The following COL16A1 variants were observed in gnomAD, a reference collection of about 807,000 sequenced individuals.
COL16A1 encodes collagen alpha-1(XVI) chain.
In COL16A1, 189 loss-of-function variants were observed where a neutral mutation model predicts 266.3. The observed-to-expected ratio is 0.71, with a 90% CI of 0.63 to 0.80. The LOEUF (loss-of-function observed/expected upper bound fraction) is 0.80. Ranked by LOEUF, COL16A1 falls within the 30% of genes least tolerant of loss-of-function variation. The pLI is 0.00. For missense variants in COL16A1, 1,928 were observed against 2,122.4 expected, an observed-to-expected ratio of 0.91 and a Z score of 1.80; for synonymous variants, 740 against 782.3, an observed-to-expected ratio of 0.95 and a Z score of 0.90.
At chr1:31,655,764 G>T in intron 66 of COL16A1, 1 of 542,972 alleles carries the variant, frequency 1.8e-6, no homozygotes, top group Non-Finnish European at 3.1e-6. Flanking sequence ...GGCATGCAAG[G>T]CCATTCATTA....
Position 31,668,234 on chromosome 1 carries a change from G to C in COL16A1, c.3250-16C>G. 6.2e-7 allele frequency: 1 copy of C among 1,613,320 alleles called. No homozygotes were observed. Among genetic ancestry groups the C allele is most frequent in the Non-Finnish European group, 8.5e-7 (1 of 1,179,458 alleles). ...CTGGAGGACCCTGCAAAGAAAGGCA[G>C]ACATGATGGATAGCCCCCCAACATT... On this transcript the variant is annotated splice_polypyrimidine_tract_variant and intron_variant, in intron 50 of 70. Transcript: ENST00000373672. This position sits in a 1 kb window ranked among gnomAD's most constrained non-coding sequence, Gnocchi z 5.8.
rs377429626 is a variant in COL16A1 at position 31,666,079 on chromosome 1, G to C, written c.3360C>G (p.Gly1120=). The C allele has an allele frequency of 6.2e-7, 1 of 1,609,862 alleles. No individual in the cohort carries two copies. The highest frequency in any genetic ancestry group is 1.1e-5 in the South Asian group (1 of 90,882). Residue 1120 remains glycine, a splice_region_variant and synonymous_variant, in exon 53 of 71, where the codon GGC becomes GGG. Coordinates refer to ENST00000373672, the MANE Select transcript of COL16A1 (RefSeq NM_001856.4). ...TGSAGEKGEP[G]PPGSEGLPGP... ...CTGGGAGGCCTTCAGATCCTGGGGG[G>C]CCCTAAGGATACAAAGGAACAGAAT...
At chr1:31,680,396 A>G (rs970438305) in intron 39 of COL16A1, among the ~76,000 whole-genome samples, 2 of 152,178 alleles carry the variant, frequency 1.3e-5, no homozygotes, top group African/African-American at 4.8e-5. Context: ...TCCTGCTGTT[A>G]CAGTCGTCAG....
In COL16A1 at chr1:31,698,312, A is replaced by G; in HGVS notation, c.391-140T>C. On this transcript the variant is annotated intron_variant, in intron 5 of 70. Coordinates refer to ENST00000373672, the MANE Select transcript of COL16A1 (RefSeq NM_001856.4). The surrounding 1 kb of genome is among the most constrained non-coding windows in gnomAD (Gnocchi z 4.1). ...AGAAGAAAGCCGGCTGGGGTCAAGGAGCTATACATCCTGAAAGAATGAGGT... is the reference window on the plus strand; with the variant it reads ...AGAAGAAAGCCGGCTGGGGTCAAGGGGCTATACATCCTGAAAGAATGAGGT... 1 of 1,534,420 alleles carries G rather than the reference A, an allele frequency of 6.5e-7. No homozygotes were observed. Among genetic ancestry groups the G allele is most frequent in the Non-Finnish European group, 8.8e-7 (1 of 1,141,940 alleles).
In COL16A1 at chr1:31,668,016, G is replaced by A; in HGVS notation, c.3303+149C>T. 2 of 659,418 alleles carry A rather than the reference G, an allele frequency of 3.0e-6. No individual in the cohort carries two copies. The highest frequency in any genetic ancestry group is 3.8e-5 in the South Asian group (2 of 52,366). 40.8% of individuals were successfully genotyped at this position (659,418 alleles called of 1,614,324 possible). ...CAAGGGGGCCTACAGTGGGGAGAGGGGGCTGCATGGACTTTAGGCAAAGGA... is the reference window on the plus strand; with the variant it reads ...CAAGGGGGCCTACAGTGGGGAGAGGAGGCTGCATGGACTTTAGGCAAAGGA... On this transcript the variant is annotated intron_variant, in intron 51 of 70. Coordinates refer to ENST00000373672, the MANE Select transcript of COL16A1 (RefSeq NM_001856.4). The surrounding 1 kb of genome is among the most constrained non-coding windows in gnomAD (Gnocchi z 5.8).
intron 22 of COL16A1, 131 bp from the exon 23 acceptor site, chr1:31,689,982 G>T: frequency 1.4e-6 from 1 of 731,464 alleles, no homozygotes; most frequent in Non-Finnish European, 2.3e-6. Context: ...AAAGTGGACA[G>T]CAGGAATGCC....
intron 10 of COL16A1, among the ~76,000 whole-genome samples, chr1:31,695,444 A>G (rs1644455458): frequency 6.7e-6 from 1 of 150,164 alleles, no homozygotes; most frequent in African/African-American, 2.4e-5. Flanking sequence ...AGAGAGGAAT[A>G]GCAATATGCC....
At position 31,698,429 on chromosome 1, in the gene COL16A1, G is replaced by A. The variant is rs1270953632; in HGVS notation, c.390+54C>T. The A allele has an allele frequency of 6.2e-7, 1 of 1,608,044 alleles. No individual in the cohort carries two copies. The highest frequency in any genetic ancestry group is 2.2e-5 in the East Asian group (1 of 44,822). On this transcript the variant is annotated intron_variant, in intron 5 of 70. Transcript: ENST00000373672. This position sits in a 1 kb window ranked among gnomAD's most constrained non-coding sequence, Gnocchi z 4.1. ...CACAAGCCGGGATGAAAGGTGGGCT[G>A]GACTGGTGCTACCCAATGCCCTAAG...
rs2148706860 is a variant in COL16A1, at chr1:31,670,768, G to T, written c.3151-122C>A. The T allele has an allele frequency of 1.3e-6, 1 of 777,014 alleles. No individual in the cohort carries two copies. The highest frequency in any genetic ancestry group is 1.8e-6 in the Non-Finnish European group (1 of 543,840). The allele number at this position is 777,014 out of a possible 1,614,324, so 48.1% of individuals were successfully genotyped here. A position where few individuals can be genotyped will look rare whatever the true frequency, so the allele number is the denominator to read the frequency against. On this transcript the variant is annotated intron_variant, in intron 48 of 70. Transcript: ENST00000373672. This position sits in a 1 kb window ranked among gnomAD's most constrained non-coding sequence, Gnocchi z 4.5. ...AGGTCATGGGAGTATTTTCAAGGCAGCTGGAAAAGAGACTCCTTGAAAGTC... is the reference window on the plus strand; with the variant it reads ...AGGTCATGGGAGTATTTTCAAGGCATCTGGAAAAGAGACTCCTTGAAAGTC...
chr1:31,695,768 G>A lies in COL16A1; in HGVS notation c.938C>T (p.Ala313Val), dbSNP rs1419449739. ...RGAKVHQETA[A>V]DECPPCVHGA... ...GTCCACTGGGAGGCTTACCTCATCG[G>A]CTGCTGTCTCCTGATGGACCTGAGG... The change falls in exon 10 of 71, where the codon GCC becomes GTC. Residue 313 changes from alanine to valine, a missense_variant. Transcript: ENST00000373672. 6.2e-7 allele frequency: 1 copy of A among 1,613,600 alleles called. No homozygotes were observed. The highest frequency in any genetic ancestry group is 1.7e-5 in the Admixed American group (1 of 60,002).
In COL16A1 at chr1:31,693,051, G is replaced by C. The variant is rs369167152; in HGVS notation, c.1071+41C>G. The C allele has an allele frequency of 3.1e-4, 417 of 1,366,242 alleles. 1 individual carries two copies. Among genetic ancestry groups the C allele is most frequent in the Non-Finnish European group, 3.9e-4 (377 of 958,504 alleles). 84.6% of individuals were successfully genotyped at this position (1,366,242 alleles called of 1,614,324 possible). A position where few individuals can be genotyped will look rare whatever the true frequency, so the allele number is the denominator to read the frequency against. On this transcript the variant is annotated intron_variant, in intron 13 of 70. Coordinates refer to ENST00000373672, the MANE Select transcript of COL16A1 (RefSeq NM_001856.4). The stretch of plus-strand genomic sequence containing the variant: ...ACATCCCACCTCACCCCAGGGCACA[G>C]CTGGCAAAGGTCCTGCCACGGGCAG...
Position 31,688,557 on chromosome 1 carries a change from G to A in COL16A1, c.1768-55C>T. 1 of 1,610,018 alleles carries A rather than the reference G, an allele frequency of 6.2e-7. No individual in the cohort carries two copies. The highest frequency in any genetic ancestry group is 1.3e-5 in the African/African-American group (1 of 74,860). ...ATCTCCCCACTCCCACCTCTCCAAG[G>A]CTCCCCGGGTCCCAGTGTCCAACCA... is the stretch of plus-strand genomic sequence containing the variant. On this transcript the variant is annotated intron_variant, in intron 25 of 70. Transcript: ENST00000373672. The surrounding 1 kb of genome is among the most constrained non-coding windows in gnomAD (Gnocchi z 4.9).
At chr1:31,674,140 A>T (rs1475698805) in intron 44 of COL16A1, among the ~76,000 whole-genome samples, 1 of 152,178 alleles carries the variant, frequency 6.6e-6, no homozygotes, top group East Asian at 1.9e-4. Context: ...AGGGGTAGAC[A>T]GCCCCCATGC....
chr1:31,679,195 T>A (rs1262643145), intron 42 of COL16A1: 1 of 513,650 alleles, frequency 1.9e-6, no homozygotes, highest in Non-Finnish European at 3.4e-6. Flanking sequence ...TGTCTGTCTC[T>A]CTTACTAGAA....
At chr1:31,696,024 G>T in intron 9 of COL16A1, 64 bp downstream of exon 9, 2 of 1,431,130 alleles carry the variant, frequency 1.4e-6, no homozygotes, top group Non-Finnish European at 9.8e-7. Flanking sequence ...TATCCCTGGG[G>T]TTTACAGGGG....
rs564848476 is a variant in COL16A1, at chr1:31,668,333, C to T, written c.3250-115G>A. 52 of 1,113,950 alleles carry T rather than the reference C, an allele frequency of 4.7e-5. No homozygotes were observed. In the African/African-American group the frequency reaches 5.8e-4, roughly 12 times the overall value. 69.0% of individuals were successfully genotyped at this position (1,113,950 alleles called of 1,614,324 possible). A position where few individuals can be genotyped will look rare whatever the true frequency, so the allele number is the denominator to read the frequency against. ...GGGGCTGCCATCTAGCAGGTGCCAG[C>T]CTGCCCCAGCATTGCACACTGGGCC... On this transcript the variant is annotated intron_variant, in intron 50 of 70. Coordinates refer to ENST00000373672, the MANE Select transcript of COL16A1 (RefSeq NM_001856.4). This position sits in a 1 kb window ranked among gnomAD's most constrained non-coding sequence, Gnocchi z 5.8.
chr1:31,679,823 G>A lies in COL16A1; in HGVS notation c.2699C>T (p.Ser900Phe). The A allele has an allele frequency of 2.6e-6, 4 of 1,544,766 alleles. No homozygotes were observed. Among genetic ancestry groups the A allele is most frequent in the Non-Finnish European group, 3.5e-6 (4 of 1,147,916 alleles). The change falls in exon 41 of 71, where the codon TCC becomes TTC. Residue 900 changes from serine (S) to phenylalanine (F), a missense_variant. Ser to Phe is a radical substitution (Grantham distance 155). Coordinates refer to ENST00000373672, the MANE Select transcript of COL16A1 (RefSeq NM_001856.4). Reference sequence around the variant, plus strand: ...ACACACCTGCGGGCCCGGCTGCCAGGAGCTGCCCATCCAAAGTCCCGGAGC... The same window carrying A: ...ACACACCTGCGGGCCCGGCTGCCAGAAGCTGCCCATCCAAAGTCCCGGAGC... Reference protein sequence around the residue: ...PGAPGLWMGSSWQPGPQGPPG... With the variant: ...PGAPGLWMGSFWQPGPQGPPG...
intron 2 of COL16A1, chr1:31,701,445 G>T: frequency 2.0e-6 from 2 of 985,388 alleles, no homozygotes; most frequent in Non-Finnish European, 2.4e-6. Context: ...TCCTAGCTGG[G>T]TTTGGGTCCT....
chr1:31,685,741 C>G lies in COL16A1; in HGVS notation c.1914G>C (p.Leu638=). 2.5e-6 allele frequency: 4 copies of G among 1,613,966 alleles called. No homozygotes were observed. The highest frequency in any genetic ancestry group is 3.4e-6 in the Non-Finnish European group (4 of 1,180,030). ...KGEPCEPCPA[L]SNLQDGDVRV... is the part of the protein sequence containing the mutation. ...GGACATCCCCATCCTGAAGGTTGGA[C>G]AGGGCTGGGCACGGCTCACAGGGCT... Residue 638 remains leucine, a synonymous_variant, in exon 29 of 71, where the codon CTG becomes CTC. Coordinates refer to ENST00000373672, the MANE Select transcript of COL16A1 (RefSeq NM_001856.4). This position sits in a 1 kb window ranked among gnomAD's most constrained non-coding sequence, Gnocchi z 4.0.
Sources: allele counts gnomAD v4.1 joint callset (sites outside exome capture counted in the v4.1 genomes callset), GRCh38; gene constraint gnomAD v4.1.1; non-coding constraint Gnocchi (gnomAD v3.1); transcripts MANE v1.5; gene names NCBI Gene and HGNC (gene_info 2026-07-23, HGNC 2026-07-21).